Variants in NLRP1 observed in about 807,000 individuals in gnomAD.
NLRP1 encodes the protein NACHT, LRR and PYD domains-containing protein 1.
In NLRP1, 94 loss-of-function variants were observed where a neutral mutation model predicts 136.7. The ratio of observed to expected loss-of-function variants is 0.69; its 90% CI spans 0.58 to 0.82. The LOEUF is 0.82. Among genes scored for constraint, NLRP1 ranks in the 40% least tolerant of loss-of-function variants. NLRP1 has a pLI of 0.00. For synonymous variants in NLRP1, 690 were observed against 725.1 expected (o/e 0.95, Z 0.78); for missense variants, 1,575 against 1,802.7 (o/e 0.87, Z 2.29).
rs1597493397 is a variant in NLRP1, at chr17:5,583,377, G to A, written c.271+310C>T. Among the ~76,000 whole-genome samples the A allele has an allele frequency of 6.6e-6, 1 of 152,196 alleles. No homozygotes were observed. Among genetic ancestry groups the A allele is most frequent in the East Asian group, 1.9e-4 (1 of 5,196 alleles). On this transcript the variant is annotated intron_variant, in intron 1 of 16. Coordinates refer to ENST00000572272, the MANE Select transcript of NLRP1 (RefSeq NM_033004.4). This position sits in a 1 kb window ranked among gnomAD's most constrained non-coding sequence, Gnocchi z 4.5. Reference sequence around the variant, plus strand: ...AGCAGTGAAGTGATTGGCCCAGGGTGATAGTGCCAGGACTGGTGATAGTGC... The same window carrying A: ...AGCAGTGAAGTGATTGGCCCAGGGTAATAGTGCCAGGACTGGTGATAGTGC...
At chr17:5,554,814 G>A (rs2151796727) in intron 4 of NLRP1, among the ~76,000 whole-genome samples, 1 of 152,232 alleles carries the variant, frequency 6.6e-6, no homozygotes, top group East Asian at 1.9e-4. Context: ...TTGAGCCCAG[G>A]AGTTTAAGAC....
At position 5,581,858 on chromosome 17, in the gene NLRP1, C is replaced by T. The variant is rs1905690511; in HGVS notation, c.652+1G>A. ...CCGCCAGGAGCTCAGTAGGGTCTCA[C>T]CTGTGTAGTAAATTCCTGACGTTTC... On this transcript the variant is annotated splice_donor_variant, in intron 3 of 16. Transcript: ENST00000572272. LOFTEE classifies it high-confidence loss of function. 3.7e-6 allele frequency: 6 copies of T among 1,611,154 alleles called. No individual in the cohort carries two copies. Among genetic ancestry groups the T allele is most frequent in the Non-Finnish European group, 5.1e-6 (6 of 1,178,872 alleles).
chr17:5,532,897 C>A lies in NLRP1; in HGVS notation c.3221G>T (p.Gly1074Val). The change falls in exon 11 of 17, where the codon GGG becomes GTG. Residue 1074 changes from glycine (G) to valine (V), a missense_variant. Physicochemically the swap from Gly to Val is moderately radical, Grantham distance 109. Coordinates refer to ENST00000572272, the MANE Select transcript of NLRP1 (RefSeq NM_033004.4). ...SQGDLHTKPL[G>V]TDDDFWGPTG... ...GGGGCCCCAGAAGTCATCGTCAGTC[C>A]CCAAAGGCTTCGTATGCAGGTCCCC... is the stretch of plus-strand genomic sequence containing the variant. 1.2e-6 allele frequency: 2 copies of A among 1,614,000 alleles called. No individual in the cohort carries two copies. The highest frequency in any genetic ancestry group is 2.2e-5 in the South Asian group (2 of 91,058).
intron 10 of NLRP1, 114 bp downstream of exon 10, chr17:5,533,190 A>G: frequency 6.6e-7 from 1 of 1,515,602 alleles, no homozygotes; most frequent in Non-Finnish European, 8.9e-7. Context: ...GCCTCCGCCC[A>G]TCTCCCCTTC....
chr17:5,539,368 C>G, intron 7 of NLRP1, 47 bp downstream of exon 7: 1 of 1,550,690 alleles, frequency 6.4e-7, no homozygotes, highest in Non-Finnish European at 8.7e-7. Context: ...GTCCGATACC[C>G]CCCCAACCCT....
chr17:5,533,722 A>G (rs1459211002), intron 9 of NLRP1, among the ~76,000 whole-genome samples, 175 bp downstream of exon 9: 1 of 151,898 alleles, frequency 6.6e-6, no homozygotes, highest in African/African-American at 2.4e-5. Context: ...AGAGAGGGTA[A>G]CGGAAATCCA....
rs202231072 is a variant in NLRP1 at position 5,559,276 on chromosome 17, G to A, written c.1420C>T (p.Arg474Cys). The change falls in exon 4 of 17, where the codon CGT (arginine) becomes TGT (cysteine). Residue 474 changes from arginine (R) to cysteine (C), a missense_variant. By Grantham distance (180) the Arg-to-Cys change is radical (BLOSUM62 -3). Coordinates refer to ENST00000572272, the MANE Select transcript of NLRP1 (RefSeq NM_033004.4). Reference protein sequence around the residue: ...QNLIPSLEQARWVEVLGFSES... With the variant: ...QNLIPSLEQACWVEVLGFSES... Reference sequence around the variant, plus strand: ...GAGAACCCCAGGACCTCTACCCAACGTGCCTGCTCCAAAGAAGGAATGAGG... The same window carrying A: ...GAGAACCCCAGGACCTCTACCCAACATGCCTGCTCCAAAGAAGGAATGAGG... The A allele has an allele frequency of 2.6e-5, 42 of 1,614,000 alleles. No homozygotes were observed. The highest frequency in any genetic ancestry group is 4.5e-5 in the East Asian group (2 of 44,898).
chr17:5,527,792 G>A (rs1445564578), intron 12 of NLRP1, among the ~76,000 whole-genome samples: 1 of 152,200 alleles, frequency 6.6e-6, no homozygotes, highest in Non-Finnish European at 1.5e-5. Context: ...AGCCTGGCAG[G>A]CTTCAGCTAG....
chr17:5,530,721 G>C lies in NLRP1; in HGVS notation c.3297-17C>G. 2 of 1,601,714 alleles carry C rather than the reference G, an allele frequency of 1.2e-6. No homozygotes were observed. The highest frequency in any genetic ancestry group is 1.7e-6 in the Non-Finnish European group (2 of 1,169,950). On this transcript the variant is annotated splice_polypyrimidine_tract_variant and intron_variant, in intron 11 of 16. Coordinates refer to ENST00000572272, the MANE Select transcript of NLRP1 (RefSeq NM_033004.4). Reference sequence around the variant, plus strand: ...AAGTGAACTCTGGGAAGAAGAGGGAGAGGCAGACACTTACTGCACGAACTC... The same window carrying C: ...AAGTGAACTCTGGGAAGAAGAGGGACAGGCAGACACTTACTGCACGAACTC...
chr17:5,510,073 C>CTT (rs899981503), downstream of NLRP1, among the ~76,000 whole-genome samples: 76 of 147,222 alleles, frequency 5.2e-4, no homozygotes, highest in Admixed American at 6.8e-4. Flanking sequence ...TCTTCTTCTT[C>CTT]TTTTTTTTTT....
chr17:5,582,645 G>C (rs1274174381), intron 2 of NLRP1, 25 bp downstream of exon 2: 3 of 1,611,070 alleles, frequency 1.9e-6, no homozygotes, highest in Non-Finnish European at 2.5e-6. Context: ...ACCCAGGGCT[G>C]TCAGCCTGCC....
rs199681358 is a variant in NLRP1, at chr17:5,559,535, A to G, written c.1161T>C (p.Asp387=). 1.2e-6 allele frequency: 2 copies of G among 1,613,996 alleles called. No individual in the cohort carries two copies. Among genetic ancestry groups the G allele is most frequent in the East Asian group, 2.2e-5 (1 of 44,884 alleles). The part of the protein sequence containing the change: ...VVSLAELIGK[D]GTATPAPIRQ... ...TAATGGGAGCCGGAGTGGCTGTCCC[A>G]TCTTTTCCGATGAGCTCAGCGAGAC... Residue 387 remains aspartate (D), a synonymous_variant, in exon 4 of 17, where the codon GAT becomes GAC. Coordinates refer to ENST00000572272, the MANE Select transcript of NLRP1 (RefSeq NM_033004.4).
At chr17:5,516,044 C>A in intron 15 of NLRP1, among the ~76,000 whole-genome samples, 1 of 147,370 alleles carries the variant, frequency 6.8e-6, no homozygotes, top group Non-Finnish European at 1.5e-5. Flanking sequence ...ACAGAAAAAA[C>A]AGACAACGAC....
At chr17:5,532,133 G>A (rs13341272) in intron 11 of NLRP1, among the ~76,000 whole-genome samples, 167 of 152,274 alleles carry the variant, frequency 1.1e-3, no homozygotes, top group Middle Eastern at 3.4e-3. Flanking sequence ...TGTAGTCCCA[G>A]CTACTAGAGA....
intron 14 of NLRP1, among the ~76,000 whole-genome samples, chr17:5,519,239 T>C (rs1262641457): frequency 1.3e-5 from 2 of 151,792 alleles, no homozygotes; most frequent in Non-Finnish European, 2.9e-5. Flanking sequence ...CCTGACCTTG[T>C]GATCCGCCCG....
At chr17:5,528,842 T>C (rs1289627413) in intron 12 of NLRP1, among the ~76,000 whole-genome samples, 3 of 152,118 alleles carry the variant, frequency 2.0e-5, no homozygotes, top group African/African-American at 7.2e-5. Context: ...ATAAAGAAAT[T>C]AAGACAAGAA....
intron 5 of NLRP1, among the ~76,000 whole-genome samples, chr17:5,551,883 T>C (rs1486987417): frequency 6.6e-6 from 1 of 152,134 alleles, no homozygotes; most frequent in Non-Finnish European, 1.5e-5. Flanking sequence ...GAGACTCCTG[T>C]CTCAGCCTCC....
intron 6 of NLRP1, 132 bp from the exon 7 acceptor site, chr17:5,539,717 A>T: frequency 7.1e-7 from 1 of 1,400,098 alleles, no homozygotes; most frequent in Non-Finnish European, 9.3e-7. Flanking sequence ...AGAAGATACA[A>T]ACTTTCCTGG....
chr17:5,543,816 G>A (rs548618797), intron 5 of NLRP1, among the ~76,000 whole-genome samples: 1 of 152,136 alleles, frequency 6.6e-6, no homozygotes, highest in Non-Finnish European at 1.5e-5. Flanking sequence ...GGAGTCCAGG[G>A]AGGCCTCAAG....
Sources: gnomAD v4.1 joint callset for allele counts (sites outside exome capture counted in the v4.1 genomes callset) on GRCh38, gnomAD v4.1.1 for gene constraint, Gnocchi (gnomAD v3.1) non-coding constraint, MANE v1.5 for transcripts, NCBI Gene and HGNC (gene_info 2026-07-23, HGNC 2026-07-21) for gene names.